AFF4: variants seen among roughly 807,000 people sequenced by gnomAD.
AFF4 encodes AF4/FMR2 family member 4.
A neutral mutation model predicts 124.8 loss-of-function variants in AFF4; 13 were observed. The observed-to-expected ratio is 0.10, with a 90% CI of 0.07 to 0.17. The LOEUF (loss-of-function observed/expected upper bound fraction) is 0.17. Ranked by LOEUF, AFF4 falls within the 10% of genes least tolerant of loss-of-function variation. The pLI is 1.00. For missense variants in AFF4, 1,092 were observed against 1,403.8 expected (o/e 0.78, Z 3.55); for synonymous variants, 477 against 496.1 (o/e 0.96, Z 0.51).
chr5:132,912,694 T>G (rs1303817044), intron 5 of AFF4, among the ~76,000 whole-genome samples: 6 of 152,106 alleles, frequency 3.9e-5, no homozygotes, highest in African/African-American at 1.4e-4. Flanking sequence ...TAAAAAATAG[T>G]AACAATATTG....
At chr5:132,912,453 G>A (rs944729148) in intron 5 of AFF4, among the ~76,000 whole-genome samples, 4 of 151,926 alleles carry the variant, frequency 2.6e-5, no homozygotes, top group South Asian at 2.1e-4. Flanking sequence ...CAAGACCTCC[G>A]GGGCTCAAGC....
intron 10 of AFF4, among the ~76,000 whole-genome samples, 199 bp from the exon 11 acceptor site, chr5:132,897,439 C>T (rs1343000405): frequency 2.0e-5 from 3 of 152,256 alleles, no homozygotes; most frequent in Non-Finnish European, 1.5e-5. Flanking sequence ...TGGCCAGGCA[C>T]GGTGGCTCAC....
intron 3 of AFF4, among the ~76,000 whole-genome samples, chr5:132,933,338 A>C (rs554879062): frequency 7.9e-4 from 120 of 151,968 alleles, no homozygotes; most frequent in Non-Finnish European, 1.5e-3. Context: ...TAGAGGTTGC[A>C]GTGAGCCGAA....
chr5:132,898,283 T>C lies in AFF4; in HGVS notation c.1336A>G (p.Ser446Gly). ...TTTGCCTCACTGTCACTGGAACTAC[T>C]TTCACTCTCTGAGTCAGATCCAGAG... ...SSSGSDSESE[S>G]SSSDSEANEP... Residue 446 changes from serine to glycine, a missense_variant, in exon 10 of 21, where the codon AGT becomes GGT. Transcript: ENST00000265343. 6.2e-7 allele frequency: 1 copy of C among 1,614,212 alleles called. No homozygotes were observed. The highest frequency in any genetic ancestry group is 8.5e-7 in the Non-Finnish European group (1 of 1,180,032).
chr5:132,935,640 G>T (rs1041115322), intron 2 of AFF4, among the ~76,000 whole-genome samples: 1 of 151,968 alleles, frequency 6.6e-6, no homozygotes, highest in South Asian at 2.1e-4. Context: ...GCGTGGTGGC[G>T]GGTGTCTGTA....
At position 132,918,698 on chromosome 5, in the gene AFF4, T is replaced by C. The variant is rs190679914; in HGVS notation, c.1050+8423A>G. ...ACAAAAGATGTCCAAAATCTACATATTGAAAACTACAAAACAATACTGAAA... is the reference window on the plus strand; with the variant it reads ...ACAAAAGATGTCCAAAATCTACATACTGAAAACTACAAAACAATACTGAAA... On this transcript the variant is annotated intron_variant, in intron 5 of 20. Transcript: ENST00000265343. Among the ~76,000 whole-genome samples, 45 of 152,086 alleles carry C rather than the reference T, an allele frequency of 3.0e-4. No individual in the cohort carries two copies. In the East Asian group the frequency reaches 7.9e-3, roughly 27 times the overall value.
In AFF4 at chr5:132,887,989, A is replaced by C. The variant is rs201234409; in HGVS notation, c.2797-7T>G. 20 of 1,613,032 alleles carry C rather than the reference A, an allele frequency of 1.2e-5. No homozygotes were observed. Among genetic ancestry groups the C allele is most frequent in the Non-Finnish European group, 1.7e-5 (20 of 1,179,614 alleles). ...CTTTCTCAAACCTATCAGACTGAAG[A>C]AAGGAGAATGCAAGTAATGAGTAAT... On this transcript the variant is annotated splice_region_variant and splice_polypyrimidine_tract_variant and intron_variant, in intron 15 of 20. Transcript: ENST00000265343.
rs70974061 is a variant in AFF4 at position 132,916,238 on chromosome 5, CAAAAAAAAAAA to C, written c.1050+10872_1050+10882del. Among the ~76,000 whole-genome samples the C allele has an allele frequency of 1.6e-4, 8 of 50,684 alleles. No individual in the cohort carries two copies. The South Asian group carries it at 2.7e-3, about 17-fold the overall frequency. The allele number at this position is 50,684 out of a possible 152,430, so 33.3% of individuals were successfully genotyped here. A position where few individuals can be genotyped will look rare whatever the true frequency, so the allele number is the denominator to read the frequency against. ...TGGGTGACAGAGTAAGATGCTGTCT[CAAAAAAAAAAA>C]AAAAAAAAAAAAAAAAAGAATCACT... On this transcript the variant is annotated intron_variant, in intron 5 of 20. Transcript: ENST00000265343.
intron 11 of AFF4, among the ~76,000 whole-genome samples, chr5:132,895,410 G>C (rs1366640525): frequency 1.3e-5 from 2 of 152,182 alleles, no homozygotes; most frequent in Non-Finnish European, 2.9e-5. Context: ...TTAAGAAAGT[G>C]CTCTATTCTC....
chr5:132,912,515 C>G (rs1219106965), intron 5 of AFF4, among the ~76,000 whole-genome samples: 1 of 151,934 alleles, frequency 6.6e-6, no homozygotes, highest in African/African-American at 2.4e-5. Flanking sequence ...TACGTATCAC[C>G]ACACTCAGGT....
At chr5:132,958,010 G>A (rs1347253612) in intron 1 of AFF4, among the ~76,000 whole-genome samples, 1 of 152,074 alleles carries the variant, frequency 6.6e-6, no homozygotes, top group African/African-American at 2.4e-5. Flanking sequence ...CACAAAAATT[G>A]TAAAAACAAT....
At chr5:132,928,180 T>C (rs1761221333) in intron 4 of AFF4, among the ~76,000 whole-genome samples, 1 of 151,500 alleles carries the variant, frequency 6.6e-6, no homozygotes, top group Non-Finnish European at 1.5e-5. Flanking sequence ...GTGAAAGTTG[T>C]GAGAATCAAA....
chr5:132,882,854 C>CA (rs59412090), intron 20 of AFF4, among the ~76,000 whole-genome samples: 99,394 of 123,090 alleles, frequency 0.81, 40,190 homozygotes, highest in Non-Finnish European at 0.88. Flanking sequence ...AACTCCATCT[C>CA]AAAAAAAAAA....
chr5:132,952,965 C>T (rs1029300259), intron 1 of AFF4, among the ~76,000 whole-genome samples: 15 of 152,046 alleles, frequency 9.9e-5, no homozygotes, highest in African/African-American at 3.6e-4. Context: ...CTCCCCATGA[C>T]ACTTTCTCTT....
intron 11 of AFF4, among the ~76,000 whole-genome samples, chr5:132,895,241 A>C (rs1455073012): frequency 6.6e-6 from 1 of 152,204 alleles, no homozygotes; most frequent in Non-Finnish European, 1.5e-5. Flanking sequence ...AGAGAGTAGT[A>C]AGCTTTGGTT....
intron 1 of AFF4, among the ~76,000 whole-genome samples, chr5:132,938,754 T>C (rs576129001): frequency 4.6e-5 from 7 of 151,424 alleles, no homozygotes; most frequent in Non-Finnish European, 8.8e-5. Context: ...CCATCCTGGC[T>C]AACACGGTGA....
chr5:132,928,665 A>G (rs948598907), intron 4 of AFF4, among the ~76,000 whole-genome samples: 34 of 152,186 alleles, frequency 2.2e-4, no homozygotes, highest in African/African-American at 6.8e-4. Context: ...AGACATCTAT[A>G]AAATAGAACA....
intron 4 of AFF4, among the ~76,000 whole-genome samples, chr5:132,930,193 CCAGTGT>C (rs1302228736): frequency 2.0e-5 from 3 of 151,968 alleles, no homozygotes; most frequent in Non-Finnish European, 4.4e-5. Flanking sequence ...AACCCAAAGG[CCAGTGT>C]AGGACAGAAA....
At chr5:132,948,335 GATGA>G (rs1363922220) in intron 1 of AFF4, among the ~76,000 whole-genome samples, 2 of 152,110 alleles carry the variant, frequency 1.3e-5, no homozygotes, top group African/African-American at 4.8e-5. Flanking sequence ...GTTTTTCTCT[GATGA>G]ATGTTCTTTC....
Sources: gnomAD v4.1 joint callset for allele counts (sites outside exome capture counted in the v4.1 genomes callset) on GRCh38, gnomAD v4.1.1 for gene constraint, MANE v1.5 for transcripts, NCBI Gene and HGNC (gene_info 2026-07-23, HGNC 2026-07-21) for gene names.